Variants in TRMO observed in about 807,000 individuals in gnomAD.
TRMO encodes the protein tRNA methyltransferase O.
A neutral mutation model predicts 37.2 loss-of-function variants in TRMO; 30 were observed. That is an observed-to-expected ratio of 0.81 (90% confidence interval 0.60 to 1.09). The LOEUF is 1.09. Among genes scored for constraint, TRMO ranks in the 50% least tolerant of loss-of-function variants. The pLI, the probability that TRMO is intolerant of heterozygous loss-of-function variation, is 0.00. For missense variants in TRMO, 552 were observed against 549.5 expected (o/e 1.00, Z -0.05); for synonymous variants, 239 against 199.4 (o/e 1.20, Z -1.67).
intron 3 of TRMO, chr9:97,910,829 C>T (rs1405753121): frequency 3.2e-6 from 2 of 615,418 alleles, no homozygotes; most frequent in South Asian, 1.9e-5. Flanking sequence ...TTGAGGCCCT[C>T]AAAAGCACAC....
downstream of TRMO, among the ~76,000 whole-genome samples, chr9:97,901,591 C>T (rs1466197489): frequency 1.3e-5 from 2 of 151,872 alleles, no homozygotes; most frequent in East Asian, 1.9e-4. Flanking sequence ...CATGCACGCA[C>T]CAAAACAACT....
chr9:97,911,727 A>G (rs1826133932), intron 3 of TRMO: 1 of 152,178 alleles, frequency 6.6e-6, no homozygotes, highest in Admixed American at 6.5e-5. Context: ...ATTACCAAAT[A>G]CTAAAGACAA....
the TRMO span, among the ~76,000 whole-genome samples, chr9:97,897,361 T>C: frequency 3.3e-5 from 5 of 152,198 alleles, no homozygotes; most frequent in Non-Finnish European, 7.3e-5. Flanking sequence ...AAGGGCCAGA[T>C]TGTGAGTATG....
At chr9:97,918,736 C>T (rs573025741) in intron 1 of TRMO, among the ~76,000 whole-genome samples, 19 of 152,238 alleles carry the variant, frequency 1.2e-4, no homozygotes, top group Admixed American at 5.2e-4. Context: ...GTAAGTTATA[C>T]GGCATAATAT....
chr9:97,907,672 G>A (rs922912623), intron 4 of TRMO, among the ~76,000 whole-genome samples: 3 of 152,102 alleles, frequency 2.0e-5, no homozygotes, highest in Admixed American at 6.5e-5. Flanking sequence ...CTGGGGATAC[G>A]GACATCAAGT....
intron 1 of TRMO, among the ~76,000 whole-genome samples, chr9:97,917,966 G>C (rs941074803): frequency 2.6e-5 from 4 of 151,082 alleles, no homozygotes; most frequent in South Asian, 2.1e-4. Flanking sequence ...ACAGGTGTGA[G>C]CCACCACACC....
At position 97,908,285 on chromosome 9, in the gene TRMO, G is replaced by A. The variant is rs369229175; in HGVS notation, c.1066+1675C>T. Among the ~76,000 whole-genome samples the A allele has an allele frequency of 5.9e-5, 9 of 152,066 alleles. No individual in the cohort carries two copies. The South Asian group carries it at 6.2e-4, about 11-fold the overall frequency. On this transcript the variant is annotated intron_variant, in intron 4 of 4. Coordinates refer to ENST00000375119, the MANE Select transcript of TRMO (RefSeq NM_016481.5). ...AAATTAGCTGGGTGTGGTGGCGGGC[G>A]CCTGTAGTCCCAGCTACTCGGGAGG...
At chr9:97,922,295 CGTAGGT>C in intron 1 of TRMO, 117 bp downstream of exon 1, 1 of 690,750 alleles carries the variant, frequency 1.4e-6, no homozygotes, top group Non-Finnish European at 2.5e-6. Flanking sequence ...GTGCCTTCGC[CGTAGGT>C]AAAAGAATGA....
At chr9:97,902,668 C>T (rs1825705579), downstream of TRMO, among the ~76,000 whole-genome samples, 1 of 152,182 alleles carries the variant, frequency 6.6e-6, no homozygotes, top group African/African-American at 2.4e-5. Flanking sequence ...TAATAGTCCT[C>T]TTGTTATAAG....
intron 4 of TRMO, among the ~76,000 whole-genome samples, chr9:97,908,205 G>C (rs1825942284): frequency 6.6e-6 from 1 of 152,138 alleles, no homozygotes; most frequent in Non-Finnish European, 1.5e-5. Context: ...AAGGTCAGGA[G>C]ATCGAGACCA....
chr9:97,905,630 A>G (rs947413347), intron 4 of TRMO, among the ~76,000 whole-genome samples: 4 of 152,202 alleles, frequency 2.6e-5, no homozygotes, highest in African/African-American at 7.2e-5. Flanking sequence ...TTAGAAAGTA[A>G]CTGTGACCTA....
chr9:97,914,611 T>C (rs570059987), intron 2 of TRMO, among the ~76,000 whole-genome samples: 1 of 152,184 alleles, frequency 6.6e-6, no homozygotes, highest in African/African-American at 2.4e-5. Context: ...AACAACAACA[T>C]AGCCCTCCAT....
intron 4 of TRMO, among the ~76,000 whole-genome samples, chr9:97,909,234 G>A (rs1482422388): frequency 2.0e-5 from 3 of 152,178 alleles, no homozygotes; most frequent in Non-Finnish European, 4.4e-5. Flanking sequence ...TTACAGGAGT[G>A]AGCCACCGTG....
chr9:97,912,959 T>C (rs1031030400), intron 3 of TRMO: 3 of 1,301,836 alleles, frequency 2.3e-6, no homozygotes, highest in African/African-American at 3.0e-5. Context: ...CCATGATATC[T>C]GTCCATTTCC....
chr9:97,912,835 C>T (rs1272413200), intron 3 of TRMO: 18 of 929,006 alleles, frequency 1.9e-5, no homozygotes, highest in South Asian at 9.5e-5. Flanking sequence ...AGGTTATATA[C>T]GAACACACAG....
intron 1 of TRMO, among the ~76,000 whole-genome samples, chr9:97,917,529 T>C (rs1291708058): frequency 6.6e-6 from 1 of 152,222 alleles, no homozygotes; most frequent in Non-Finnish European, 1.5e-5. Flanking sequence ...CTAAACTGAT[T>C]AATGTGGAAA....
At chr9:97,907,276 C>T (rs1026579751) in intron 4 of TRMO, among the ~76,000 whole-genome samples, 8 of 152,152 alleles carry the variant, frequency 5.3e-5, no homozygotes, top group African/African-American at 1.7e-4. Flanking sequence ...GCTGCCTCCA[C>T]CCAGAGGAAG....
intron 4 of TRMO, among the ~76,000 whole-genome samples, chr9:97,908,122 T>C (rs1454255339): frequency 1.3e-5 from 2 of 151,528 alleles, no homozygotes; most frequent in African/African-American, 4.8e-5. Flanking sequence ...TCTTTAAAAA[T>C]TCAAAATAGG....
chr9:97,913,212 A>G (rs2131530049), intron 3 of TRMO, 189 bp downstream of exon 3: 1 of 470,170 alleles, frequency 2.1e-6, no homozygotes, highest in East Asian at 3.5e-5. Flanking sequence ...TGAGCATCCT[A>G]TGAGTTTATT....
Sources: gnomAD v4.1 joint callset for allele counts (sites outside exome capture counted in the v4.1 genomes callset) on GRCh38, gnomAD v4.1.1 for gene constraint, MANE v1.5 for transcripts, NCBI Gene and HGNC (gene_info 2026-07-23, HGNC 2026-07-21) for gene names.